Variants in MPP7 observed in about 807,000 individuals in gnomAD.
MPP7 encodes MAGUK p55 subfamily member 7.
MPP7 carries 60 observed loss-of-function variants against 76.5 expected under a neutral mutation model. The observed-to-expected ratio is 0.78, with a 90% CI of 0.64 to 0.97. MPP7 has a LOEUF of 0.97. MPP7 is among the 50% of genes least tolerant of loss of function. The pLI is 0.00. For synonymous variants in MPP7, 237 were observed against 244.5 expected (o/e 0.97, Z 0.29); for missense variants, 641 against 694.0 (o/e 0.92, Z 0.86).
rs1251834421 is a variant in MPP7, at chr10:28,054,258, T to A, written c.1552-14A>T. 1.3e-6 allele frequency: 2 copies of A among 1,501,340 alleles called. No individual in the cohort carries two copies. The highest frequency in any genetic ancestry group is 2.3e-5 in the East Asian group (1 of 43,298). The allele number at this position is 1,501,340 out of a possible 1,614,324, so 93.0% of individuals were successfully genotyped here. A position where few individuals can be genotyped will look rare whatever the true frequency, so the allele number is the denominator to read the frequency against. ...AAAATCTTCTTCCTACAAAAGGAAG[T>A]ATTAAAAAAATAATTGGTTAACCAG... On this transcript the variant is annotated splice_polypyrimidine_tract_variant and intron_variant, in intron 16 of 16. Transcript: ENST00000683449.
At chr10:28,096,908 T>A (rs1161410683) in intron 11 of MPP7, among the ~76,000 whole-genome samples, 1 of 152,210 alleles carries the variant, frequency 6.6e-6, no homozygotes, top group Non-Finnish European at 1.5e-5. Context: ...ATATACATTG[T>A]ATTGAAATAC....
intron 13 of MPP7, among the ~76,000 whole-genome samples, chr10:28,061,620 T>C (rs1851787485): frequency 6.6e-6 from 1 of 152,024 alleles, no homozygotes; most frequent in Non-Finnish European, 1.5e-5. Context: ...AAAAATATGT[T>C]TGAAGAAATA....
At chr10:28,087,460 A>T (rs1261254622) in intron 12 of MPP7, among the ~76,000 whole-genome samples, 2 of 151,844 alleles carry the variant, frequency 1.3e-5, no homozygotes, top group African/African-American at 4.8e-5. Flanking sequence ...CCGTGATGCA[A>T]TCTCAGCTCA....
chr10:28,169,595 C>G (rs953049618), intron 3 of MPP7, among the ~76,000 whole-genome samples: 37 of 152,342 alleles, frequency 2.4e-4, no homozygotes, highest in African/African-American at 7.9e-4. Context: ...ACAAGTATCA[C>G]TCTCCACTTG....
intron 2 of MPP7, among the ~76,000 whole-genome samples, chr10:28,213,468 A>G (rs1420935617): frequency 6.6e-6 from 1 of 152,010 alleles, no homozygotes; most frequent in Non-Finnish European, 1.5e-5. Flanking sequence ...TCATGCTGAG[A>G]GTGAGGACAT....
intron 1 of MPP7, among the ~76,000 whole-genome samples, chr10:28,302,621 GGGGTCCTCA>G (rs956228589): frequency 8.6e-5 from 13 of 151,994 alleles, no homozygotes; most frequent in African/African-American, 3.1e-4. Flanking sequence ...GGGGTCTCCA[GGGGTCCTCA>G]GGGTCCCGCC....
At chr10:28,246,206 G>C (rs962162296) in intron 1 of MPP7, among the ~76,000 whole-genome samples, 33 of 151,880 alleles carry the variant, frequency 2.2e-4, no homozygotes, top group African/African-American at 7.5e-4. Context: ...AGCAGCAAGA[G>C]AAAAATGACT....
intron 2 of MPP7, among the ~76,000 whole-genome samples, chr10:28,308,164 A>C (rs1028441082): frequency 5.5e-5 from 5 of 91,072 alleles, no homozygotes; most frequent in Non-Finnish European, 1.2e-4. Context: ...CCTTCAGCCC[A>C]GCTGTCTCTT....
chr10:28,120,652 G>A lies in MPP7; in HGVS notation c.632C>T (p.Ala211Val), dbSNP rs200243111. 95 of 1,613,356 alleles carry A rather than the reference G, an allele frequency of 5.9e-5. No individual in the cohort carries two copies. Among genetic ancestry groups the A allele is most frequent in the Non-Finnish European group, 7.4e-5 (87 of 1,179,628 alleles). ...GCCGGGTATAATCTTAAATGTAATT[G>A]CTCCCTGAGACTGAGCCTGGTAACA... ...IIQILAQSQG[A>V]ITFKIIPGSK... Residue 211 changes from alanine to valine, a missense_variant, in exon 9 of 17, where the codon GCA (alanine) becomes GTA (valine). Transcript: ENST00000683449.
At chr10:28,278,288 C>T (rs1243804197) in intron 1 of MPP7, among the ~76,000 whole-genome samples, 3 of 152,090 alleles carry the variant, frequency 2.0e-5, no homozygotes, top group African/African-American at 7.3e-5. Context: ...CGATTCCATA[C>T]CCACTGCATT....
chr10:28,166,632 C>G (rs1310436663), intron 3 of MPP7, among the ~76,000 whole-genome samples: 1 of 151,996 alleles, frequency 6.6e-6, no homozygotes, highest in Non-Finnish European at 1.5e-5. Context: ...GTCTCGAACT[C>G]CCGACCTCAG....
intron 12 of MPP7, among the ~76,000 whole-genome samples, chr10:28,070,391 T>G (rs1356835747): frequency 6.6e-6 from 1 of 151,964 alleles, no homozygotes; most frequent in Non-Finnish European, 1.5e-5. Flanking sequence ...AGAGTGAGAC[T>G]CCTCAAAAAA....
intron 2 of MPP7, among the ~76,000 whole-genome samples, chr10:28,222,049 C>T (rs1588945526): frequency 6.6e-6 from 1 of 152,054 alleles, no homozygotes; most frequent in East Asian, 1.9e-4. Flanking sequence ...CAAAAAAGTT[C>T]ATATTCACAA....
chr10:28,121,016 T>G (rs1033933480), intron 8 of MPP7, among the ~76,000 whole-genome samples: 1 of 152,078 alleles, frequency 6.6e-6, no homozygotes, highest in African/African-American at 2.4e-5. Context: ...CTAGAACAGA[T>G]AATGTATAAA....
chr10:28,257,467 T>C (rs1839820307), intron 1 of MPP7, among the ~76,000 whole-genome samples: 1 of 151,318 alleles, frequency 6.6e-6, no homozygotes, highest in South Asian at 2.1e-4. Context: ...AAATTGGAAA[T>C]CATCATTCTC....
intron 11 of MPP7, among the ~76,000 whole-genome samples, chr10:28,115,941 T>C (rs1469300727): frequency 6.6e-6 from 1 of 152,208 alleles, no homozygotes. Flanking sequence ...CTTGTTTCTT[T>C]GACTGCAAGA....
At chr10:28,116,298 G>A (rs1399008130) in intron 11 of MPP7, among the ~76,000 whole-genome samples, 2 of 152,006 alleles carry the variant, frequency 1.3e-5, no homozygotes, top group Admixed American at 6.6e-5. Context: ...CTTTCTTAAC[G>A]GTTAGGTAGT....
chr10:28,080,501 T>C (rs1247048099), intron 12 of MPP7, among the ~76,000 whole-genome samples: 2 of 152,164 alleles, frequency 1.3e-5, no homozygotes, highest in Admixed American at 1.3e-4. Context: ...TTCTAACAAC[T>C]GTACAAGTGA....
intron 3 of MPP7, among the ~76,000 whole-genome samples, chr10:28,163,981 G>A (rs995130199): frequency 7.3e-5 from 11 of 151,524 alleles, no homozygotes; most frequent in African/African-American, 2.7e-4. Context: ...GCCATTTACC[G>A]AAACACAGAA....
Sources: allele counts gnomAD v4.1 joint callset (sites outside exome capture counted in the v4.1 genomes callset), GRCh38; gene constraint gnomAD v4.1.1; transcripts MANE v1.5; gene names NCBI Gene and HGNC (gene_info 2026-07-23, HGNC 2026-07-21).